The following WDR7 variants were observed in gnomAD, a reference collection of about 807,000 sequenced individuals.
The protein encoded by WDR7 is WD repeat domain 7, also known as WD repeat-containing protein 7.
Under a neutral mutation model 169.4 loss-of-function variants are expected in WDR7, and 46 were observed. That is an observed-to-expected ratio of 0.27 (90% CI 0.21 to 0.35). WDR7 has a LOEUF of 0.35. Ranked by LOEUF, WDR7 falls within the 10% of genes least tolerant of loss-of-function variation. The pLI is 1.00. For synonymous variants in WDR7, 612 were observed against 666.8 expected (o/e 0.92, Z 1.27); for missense variants, 1,534 against 1,859.3 (o/e 0.83, Z 3.22).
chr18:56,991,296 G>A (rs535508701), intron 26 of WDR7, among the ~76,000 whole-genome samples: 23 of 152,070 alleles, frequency 1.5e-4, no homozygotes, highest in Non-Finnish European at 2.5e-4. Context: ...ACAGGCGTCC[G>A]TCACCACTCC....
At chr18:56,884,090 C>A (rs959169954) in intron 21 of WDR7, among the ~76,000 whole-genome samples, 5 of 151,884 alleles carry the variant, frequency 3.3e-5, no homozygotes, top group Non-Finnish European at 7.3e-5. Context: ...AATCTTCACA[C>A]TGTTTTGCAT....
chr18:56,742,089 G>C (rs1282926717), intron 14 of WDR7, among the ~76,000 whole-genome samples: 3 of 152,268 alleles, frequency 2.0e-5, no homozygotes, highest in Non-Finnish European at 4.4e-5. Context: ...TTCTTTGATG[G>C]TTTTAAATTC....
At chr18:56,949,611 G>A (rs547670373) in intron 25 of WDR7, among the ~76,000 whole-genome samples, 1 of 152,286 alleles carries the variant, frequency 6.6e-6, no homozygotes, top group South Asian at 2.1e-4. Context: ...AGGTAATTTT[G>A]TATCTTCTTG....
intron 26 of WDR7, among the ~76,000 whole-genome samples, chr18:56,972,230 T>A (rs1297741251): frequency 6.6e-6 from 1 of 152,144 alleles, no homozygotes; most frequent in East Asian, 1.9e-4. Context: ...AACACACCTA[T>A]ATTAATGGAA....
intron 20 of WDR7, among the ~76,000 whole-genome samples, chr18:56,836,537 G>A (rs945621479): frequency 3.3e-5 from 5 of 152,176 alleles, no homozygotes; most frequent in African/African-American, 9.7e-5. Context: ...AATTGCTATT[G>A]TATATCAGTC....
intron 20 of WDR7, among the ~76,000 whole-genome samples, chr18:56,838,115 A>G (rs1568224167): frequency 6.6e-6 from 1 of 152,208 alleles, no homozygotes; most frequent in Admixed American, 6.5e-5. Context: ...GCACTGCATT[A>G]TGATGATATA....
At chr18:56,916,154 C>T (rs575849789) in intron 21 of WDR7, among the ~76,000 whole-genome samples, 39 of 152,272 alleles carry the variant, frequency 2.6e-4, no homozygotes, top group African/African-American at 9.1e-4. Flanking sequence ...TTCTAGGGTA[C>T]ATGTGCACAA....
chr18:56,916,312 C>T, intron 21 of WDR7, among the ~76,000 whole-genome samples: 1 of 151,286 alleles, frequency 6.6e-6, no homozygotes, highest in Non-Finnish European at 1.5e-5. Context: ...GTTCCCCTTC[C>T]TGTGTCCAAG....
chr18:56,825,038 C>G (rs920798898), intron 20 of WDR7, among the ~76,000 whole-genome samples: 1 of 152,162 alleles, frequency 6.6e-6, no homozygotes, highest in Admixed American at 6.5e-5. Context: ...TGGAGATGTA[C>G]TTGTGGATGA....
chr18:56,690,325 A>G (rs685399), intron 7 of WDR7, among the ~76,000 whole-genome samples: 139,094 of 152,204 alleles, frequency 0.91, 64,752 homozygotes, highest in Non-Finnish European at 1. Flanking sequence ...GTGCCTTGCA[A>G]ATGTAAAGCC....
intron 19 of WDR7, among the ~76,000 whole-genome samples, chr18:56,808,958 A>G (rs1430806086): frequency 2.6e-5 from 4 of 152,124 alleles, no homozygotes; most frequent in African/African-American, 7.2e-5. Flanking sequence ...AGATGGCGTG[A>G]GGATCTCATA....
At chr18:56,811,205 T>G (rs1049171812) in intron 19 of WDR7, among the ~76,000 whole-genome samples, 16 of 152,218 alleles carry the variant, frequency 1.1e-4, no homozygotes, top group Admixed American at 9.2e-4. Flanking sequence ...TACTTTCCAC[T>G]TTTTGGCTTT....
intron 25 of WDR7, among the ~76,000 whole-genome samples, chr18:56,949,684 C>G (rs2047154024): frequency 6.6e-6 from 1 of 152,182 alleles, no homozygotes; most frequent in African/African-American, 2.4e-5. Flanking sequence ...ATGGAATCTG[C>G]AGTCACATGA....
intron 26 of WDR7, among the ~76,000 whole-genome samples, chr18:56,972,048 T>C (rs2047496152): frequency 6.6e-6 from 1 of 152,194 alleles, no homozygotes; most frequent in Non-Finnish European, 1.5e-5. Flanking sequence ...AATTATATTT[T>C]GGGGGAAAGG....
At position 56,969,160 on chromosome 18, in the gene WDR7, C is replaced by T. The variant is rs192261206; in HGVS notation, c.4164+6631C>T. Among the ~76,000 whole-genome samples the T allele has an allele frequency of 6.6e-5, 10 of 152,290 alleles. No individual in the cohort carries two copies. The East Asian group carries it at 1.5e-3, about 23-fold the overall frequency. Reference sequence around the variant, plus strand: ...CAATCTCTCTAGCCCATACTTTCTACCAGCATCCTTTCTAACCTGCCTTTT... The same window carrying T: ...CAATCTCTCTAGCCCATACTTTCTATCAGCATCCTTTCTAACCTGCCTTTT... On this transcript the variant is annotated intron_variant, in intron 26 of 27. Coordinates refer to ENST00000254442, the MANE Select transcript of WDR7 (RefSeq NM_015285.3).
chr18:56,664,261 G>A (rs915666291), intron 1 of WDR7, among the ~76,000 whole-genome samples: 1 of 152,036 alleles, frequency 6.6e-6, no homozygotes, highest in Non-Finnish European at 1.5e-5. Context: ...TCTTTTTGAG[G>A]GCGCAGACTA....
intron 20 of WDR7, among the ~76,000 whole-genome samples, chr18:56,851,892 T>C (rs994842832): frequency 2.0e-5 from 3 of 152,236 alleles, no homozygotes; most frequent in Non-Finnish European, 2.9e-5. Context: ...TTATAAAGTA[T>C]GGCTTTCCTC....
At chr18:56,666,789 G>A (rs1312259283) in intron 1 of WDR7, among the ~76,000 whole-genome samples, 1 of 151,948 alleles carries the variant, frequency 6.6e-6, no homozygotes, top group Non-Finnish European at 1.5e-5. Flanking sequence ...AGTTTGATGT[G>A]TGATCTTGAG....
chr18:56,687,991 G>C (rs2025477979), intron 7 of WDR7, among the ~76,000 whole-genome samples: 1 of 152,164 alleles, frequency 6.6e-6, no homozygotes, highest in African/African-American at 2.4e-5. Flanking sequence ...GATTACACAT[G>C]GGTATGAATA....
Sources: allele counts gnomAD v4.1 joint callset (sites outside exome capture counted in the v4.1 genomes callset), GRCh38; gene constraint gnomAD v4.1.1; transcripts MANE v1.5; gene names NCBI Gene and HGNC (gene_info 2026-07-23, HGNC 2026-07-21).